MACROD2: variants seen among roughly 807,000 people sequenced by gnomAD.
MACROD2 encodes mono-ADP ribosylhydrolase 2.
Under a neutral mutation model 70.4 loss-of-function variants are expected in MACROD2, and 36 were observed. The ratio of observed to expected loss-of-function variants is 0.51; its 90% CI spans 0.39 to 0.68. The LOEUF (loss-of-function observed/expected upper bound fraction) is 0.68, where lower values mean the gene tolerates loss of function less well. Ranked by LOEUF, MACROD2 falls within the 30% of genes least tolerant of loss-of-function variation. MACROD2 has a pLI of 0.00. For missense variants in MACROD2, 496 were observed against 538.4 expected, an observed-to-expected ratio of 0.92 and a Z score of 0.78; for synonymous variants, 172 against 178.8, an observed-to-expected ratio of 0.96 and a Z score of 0.30.
At chr20:15,382,320 A>C (rs971883464) in intron 6 of MACROD2, among the ~76,000 whole-genome samples, 2 of 152,220 alleles carry the variant, frequency 1.3e-5, no homozygotes, top group African/African-American at 4.8e-5. Context: ...TGGATATCCC[A>C]GGAGCAGAGG....
At chr20:15,413,039 A>C (rs1199192743) in intron 6 of MACROD2, among the ~76,000 whole-genome samples, 1 of 152,234 alleles carries the variant, frequency 6.6e-6, no homozygotes, top group Non-Finnish European at 1.5e-5. Context: ...ATAAAGATCC[A>C]TTAGTATTAA....
At chr20:14,265,776 CTT>C (rs11478087) in intron 3 of MACROD2, among the ~76,000 whole-genome samples, 211 of 114,960 alleles carry the variant, frequency 1.8e-3, no homozygotes, top group Middle Eastern at 8.8e-3. Flanking sequence ...CCGCCTTGTC[CTT>C]TTTTTTTTTT....
chr20:14,454,177 G>GA, intron 3 of MACROD2, among the ~76,000 whole-genome samples: 1 of 151,916 alleles, frequency 6.6e-6, no homozygotes, highest in East Asian at 1.9e-4. Context: ...TAGCAAGGAT[G>GA]AAAAATTGTT....
At chr20:15,371,208 G>A (rs1234325471) in intron 6 of MACROD2, among the ~76,000 whole-genome samples, 2 of 152,092 alleles carry the variant, frequency 1.3e-5, no homozygotes, top group Non-Finnish European at 2.9e-5. Context: ...GGAAACCTGA[G>A]CAGAATAAGA....
At chr20:15,583,947 G>A (rs747842307) in intron 8 of MACROD2, among the ~76,000 whole-genome samples, 67 of 152,232 alleles carry the variant, frequency 4.4e-4, no homozygotes, top group Non-Finnish European at 7.9e-4. Flanking sequence ...CCTGCTGTGG[G>A]TATTTTGTGA....
At chr20:15,489,747 A>G (rs1177768129) in intron 7 of MACROD2, among the ~76,000 whole-genome samples, 1 of 152,204 alleles carries the variant, frequency 6.6e-6, no homozygotes, top group East Asian at 1.9e-4. Flanking sequence ...AGTGTCTGAC[A>G]TAGAGGCTTT....
At chr20:14,277,580 C>T (rs6042646) in intron 3 of MACROD2, among the ~76,000 whole-genome samples, 1,732 of 152,134 alleles carry the variant, frequency 0.011, 33 homozygotes, top group African/African-American at 0.04. Context: ...ACTAATGAAA[C>T]ATGGTGGGCT....
chr20:15,823,563 GA>G (rs1430082015), intron 8 of MACROD2, among the ~76,000 whole-genome samples: 2 of 152,048 alleles, frequency 1.3e-5, no homozygotes, highest in Admixed American at 1.3e-4. Context: ...TTGAAAGCAG[GA>G]AAAAAAGAGA....
chr20:15,866,980 T>A (rs2064502526), intron 9 of MACROD2, among the ~76,000 whole-genome samples: 1 of 152,160 alleles, frequency 6.6e-6, no homozygotes, highest in African/African-American at 2.4e-5. Flanking sequence ...GCAGGCGGCT[T>A]AAACCACAGA....
intron 3 of MACROD2, among the ~76,000 whole-genome samples, chr20:14,139,721 T>C: frequency 6.6e-6 from 1 of 152,216 alleles, no homozygotes. Context: ...ACAGTTTTCA[T>C]ATGCACAGCA....
chr20:15,488,545 G>C (rs62193935), intron 7 of MACROD2, among the ~76,000 whole-genome samples: 5,590 of 152,270 alleles, frequency 0.037, 116 homozygotes, highest in South Asian at 0.048. Flanking sequence ...AATCCAAGGT[G>C]AGGAGTTTAG....
chr20:15,473,813 G>A (rs78332483), intron 7 of MACROD2, among the ~76,000 whole-genome samples: 5 of 152,116 alleles, frequency 3.3e-5, no homozygotes, highest in Non-Finnish European at 5.9e-5. Context: ...TGATATCCAC[G>A]TGGGTTTACT....
At chr20:15,910,891 A>G (rs1335174139) in intron 10 of MACROD2, among the ~76,000 whole-genome samples, 2 of 152,200 alleles carry the variant, frequency 1.3e-5, no homozygotes, top group African/African-American at 4.8e-5. Flanking sequence ...TAATTAGCTA[A>G]TTTACCAGTT....
chr20:14,605,273 G>A (rs1354958320), intron 4 of MACROD2, among the ~76,000 whole-genome samples: 1 of 152,164 alleles, frequency 6.6e-6, no homozygotes, highest in African/African-American at 2.4e-5. Flanking sequence ...TGAGAACTGT[G>A]AGGGAGAATC....
chr20:15,825,895 A>T (rs2063992657), intron 8 of MACROD2, among the ~76,000 whole-genome samples: 1 of 152,174 alleles, frequency 6.6e-6, no homozygotes, highest in Non-Finnish European at 1.5e-5. Flanking sequence ...CATGAAGAGC[A>T]GTCAATGTTT....
At chr20:15,404,319 T>C (rs569702665) in intron 6 of MACROD2, among the ~76,000 whole-genome samples, 2 of 152,368 alleles carry the variant, frequency 1.3e-5, no homozygotes, top group Admixed American at 6.5e-5. Context: ...TTCTATGTTA[T>C]ATTTTAAGGG....
chr20:14,207,081 A>G (rs756497372), intron 3 of MACROD2, among the ~76,000 whole-genome samples: 24 of 152,160 alleles, frequency 1.6e-4, no homozygotes, highest in South Asian at 2.1e-4. Flanking sequence ...TCATCCATCA[A>G]TGGAATCAAA....
intron 5 of MACROD2, among the ~76,000 whole-genome samples, chr20:14,751,320 T>TC (rs1179876440): frequency 6.6e-6 from 1 of 151,932 alleles, no homozygotes; most frequent in Non-Finnish European, 1.5e-5. Flanking sequence ...CCTCCCTTTT[T>TC]TTTTTGATCT....
At position 14,314,490 on chromosome 20, in the gene MACROD2, G is replaced by A. The variant is rs1172891571; in HGVS notation, c.272-178989G>A. 3.9e-5 allele frequency among the ~76,000 whole-genome samples: 6 copies of A among 152,304 alleles called. No individual in the cohort carries two copies. In the East Asian group the frequency reaches 1.2e-3, roughly 29 times the overall value. ...AAACAAAATTTTTTGGCCGTGGGCGGTGGCTCACGCCTGTAATCCCAACAC... is the reference window on the plus strand; with the variant it reads ...AAACAAAATTTTTTGGCCGTGGGCGATGGCTCACGCCTGTAATCCCAACAC... On this transcript the variant is annotated intron_variant, in intron 3 of 17. Coordinates refer to ENST00000684519, the MANE Select transcript of MACROD2 (RefSeq NM_001351661.2).
Sources: allele counts gnomAD v4.1 joint callset (sites outside exome capture counted in the v4.1 genomes callset), GRCh38; gene constraint gnomAD v4.1.1; transcripts MANE v1.5; gene names NCBI Gene and HGNC (gene_info 2026-07-23, HGNC 2026-07-21).